Variants in PLPP1 observed in about 807,000 individuals in gnomAD.
PLPP1 encodes phospholipid phosphatase 1.
A neutral mutation model predicts 31.2 loss-of-function variants in PLPP1; 24 were observed. That is an observed-to-expected ratio of 0.77 (90% CI 0.56 to 1.08). The LOEUF is 1.08. Ranked by LOEUF, PLPP1 falls within the 50% of genes least tolerant of loss-of-function variation. The pLI, the probability that PLPP1 is intolerant of heterozygous loss-of-function variation, is 0.00. For synonymous variants in PLPP1, 146 were observed against 126.3 expected, an observed-to-expected ratio of 1.16 and a Z score of -1.05; for missense variants, 319 against 342.7, an observed-to-expected ratio of 0.93 and a Z score of 0.55.
At chr5:55,427,406 GTC>G (rs1268342394) in intron 4 of PLPP1, among the ~76,000 whole-genome samples, 1 of 152,174 alleles carries the variant, frequency 6.6e-6, no homozygotes, top group Non-Finnish European at 1.5e-5. Flanking sequence ...GTTTAACTGA[GTC>G]TGACTCATCA....
chr5:55,451,727 A>C (rs1026686688), intron 3 of PLPP1, among the ~76,000 whole-genome samples: 2 of 152,046 alleles, frequency 1.3e-5, no homozygotes, highest in African/African-American at 4.8e-5. Context: ...ATGCCTGGCT[A>C]ATTTTCTGTA....
At chr5:55,478,085 G>T (rs1752596209) in intron 1 of PLPP1, among the ~76,000 whole-genome samples, 1 of 151,944 alleles carries the variant, frequency 6.6e-6, no homozygotes, top group Non-Finnish European at 1.5e-5. Context: ...AAACATATAG[G>T]CCCTAATACA....
chr5:55,526,707 C>T (rs887823862), intron 1 of PLPP1, among the ~76,000 whole-genome samples: 7 of 151,914 alleles, frequency 4.6e-5, no homozygotes, highest in Non-Finnish European at 1.0e-4. Context: ...CCGAGGTGGG[C>T]GGATCACGAG....
chr5:55,459,525 G>A (rs1001941265), intron 3 of PLPP1, among the ~76,000 whole-genome samples: 4 of 152,176 alleles, frequency 2.6e-5, no homozygotes, highest in African/African-American at 9.6e-5. Context: ...AGAATAGACT[G>A]TATGTGAAAA....
chr5:55,524,978 G>C (rs1424498650), intron 1 of PLPP1, among the ~76,000 whole-genome samples: 1 of 144,856 alleles, frequency 6.9e-6, no homozygotes, highest in East Asian at 2.1e-4. Flanking sequence ...TTTTCCATTC[G>C]TTTAATTACT....
chr5:55,518,914 T>C (rs927476138), intron 1 of PLPP1, among the ~76,000 whole-genome samples: 2 of 152,190 alleles, frequency 1.3e-5, no homozygotes, highest in Admixed American at 6.5e-5. Context: ...TCACAGAGAA[T>C]AGCAGAGGCA....
At chr5:55,524,394 G>C (rs1233416289) in intron 1 of PLPP1, among the ~76,000 whole-genome samples, 1 of 152,334 alleles carries the variant, frequency 6.6e-6, no homozygotes, top group Admixed American at 6.5e-5. Flanking sequence ...GGTTTAGGGA[G>C]AGGGAGGATA....
intron 3 of PLPP1, among the ~76,000 whole-genome samples, chr5:55,463,779 CCATA>C (rs1308326054): frequency 1.7e-5 from 2 of 114,546 alleles, no homozygotes; most frequent in Admixed American, 1.0e-4. Context: ...AGACCCTGTC[CCATA>C]AATAAATAAA....
chr5:55,442,797 A>G (rs1751655254), intron 3 of PLPP1, among the ~76,000 whole-genome samples: 1 of 152,184 alleles, frequency 6.6e-6, no homozygotes. Context: ...GAATGCTTAC[A>G]AAACTTAATT....
intron 3 of PLPP1, 28 bp downstream of exon 3, chr5:55,467,841 A>T (rs759389672): frequency 6.3e-7 from 1 of 1,577,400 alleles, no homozygotes; most frequent in Admixed American, 1.8e-5. Flanking sequence ...ATACAAGATT[A>T]AACAAGCATT....
intron 1 of PLPP1, among the ~76,000 whole-genome samples, chr5:55,482,450 A>G (rs1354918344): frequency 1.3e-5 from 2 of 152,206 alleles, no homozygotes; most frequent in Non-Finnish European, 2.9e-5. Flanking sequence ...ACCTCAAGTT[A>G]TTAAACACCT....
chr5:55,500,719 G>T (rs944148200), intron 1 of PLPP1, among the ~76,000 whole-genome samples: 4 of 152,116 alleles, frequency 2.6e-5, no homozygotes, highest in Non-Finnish European at 4.4e-5. Flanking sequence ...AAAGCAGTGT[G>T]AAGACAGAAT....
chr5:55,532,665 A>G (rs1314184830), intron 1 of PLPP1, among the ~76,000 whole-genome samples: 2 of 152,210 alleles, frequency 1.3e-5, no homozygotes, highest in South Asian at 2.1e-4. Flanking sequence ...TGTTTTTATA[A>G]AGACAGTGTT....
Position 55,424,996 on chromosome 5 carries a change from G to T in PLPP1, c.*210C>A. The T allele has an allele frequency of 1.4e-6, 1 of 708,690 alleles. No individual in the cohort carries two copies. Among genetic ancestry groups the T allele is most frequent in the Non-Finnish European group, 2.3e-6 (1 of 440,962 alleles). The allele number at this position is 708,690 out of a possible 1,614,324, so 43.9% of individuals were successfully genotyped here. A position where few individuals can be genotyped will look rare whatever the true frequency, so the allele number is the denominator to read the frequency against. ...AGGTGGGGCACTGTTTTGGTGGAAGGCTTGGAGTTTTTTTAATGAGTTTAG... is the reference window on the plus strand; with the variant it reads ...AGGTGGGGCACTGTTTTGGTGGAAGTCTTGGAGTTTTTTTAATGAGTTTAG... On this transcript the variant is annotated 3_prime_UTR_variant, in exon 6 of 6. Coordinates refer to ENST00000307259, the MANE Select transcript of PLPP1 (RefSeq NM_003711.4).
At chr5:55,432,399 G>A (rs1390102915) in intron 4 of PLPP1, among the ~76,000 whole-genome samples, 1 of 151,996 alleles carries the variant, frequency 6.6e-6, no homozygotes, top group Non-Finnish European at 1.5e-5. Flanking sequence ...GTAATAAAAT[G>A]TCTCCCATTT....
intron 1 of PLPP1, among the ~76,000 whole-genome samples, chr5:55,475,757 C>T (rs539249305): frequency 2.6e-5 from 4 of 152,292 alleles, no homozygotes; most frequent in South Asian, 2.1e-4. Flanking sequence ...TCTCTTCTCA[C>T]GTTCTTGTTG....
At chr5:55,533,012 T>C (rs971142841) in intron 1 of PLPP1, among the ~76,000 whole-genome samples, 7 of 150,694 alleles carry the variant, frequency 4.6e-5, no homozygotes, top group African/African-American at 1.7e-4. Flanking sequence ...CTAAACTTAA[T>C]TCCTAAAACT....
chr5:55,524,096 T>C (rs929191678), intron 1 of PLPP1, among the ~76,000 whole-genome samples: 1 of 152,196 alleles, frequency 6.6e-6, no homozygotes, highest in Non-Finnish European at 1.5e-5. Context: ...TAAAACAACA[T>C]TGTGCTCACA....
Position 55,425,297 on chromosome 5 carries a change from G to C in PLPP1, c.764C>G (p.Ser255Cys), listed in dbSNP as rs370639768. The C allele has an allele frequency of 1.2e-6, 2 of 1,609,486 alleles. No individual in the cohort carries two copies. Among genetic ancestry groups the C allele is most frequent in the African/African-American group, 1.3e-5 (1 of 74,776 alleles). Residue 255 changes from serine to cysteine, a missense_variant, in exon 6 of 6, where the codon TCT (serine) becomes TGT (cysteine). Physicochemically the swap from Ser to Cys is moderately radical, Grantham distance 112. Transcript: ENST00000307259. ...GTCCTCCTCTTTTCTTTCTTTAAAA[G>C]AAGTTCTTTCTTTGAAGAAATCCGA... The part of the protein sequence containing the change: ...YVSDFFKERT[S>C]FKERKEEDSH...
Sources: gnomAD v4.1 joint callset for allele counts (sites outside exome capture counted in the v4.1 genomes callset) on GRCh38, gnomAD v4.1.1 for gene constraint, MANE v1.5 for transcripts, NCBI Gene and HGNC (gene_info 2026-07-23, HGNC 2026-07-21) for gene names.